Variants in UNC13C observed in about 807,000 individuals in gnomAD.
UNC13C encodes protein unc-13 homolog C.
UNC13C carries 174 observed loss-of-function variants against 245.4 expected under a neutral mutation model. The observed-to-expected ratio is 0.71, with a 90% CI of 0.63 to 0.80. The LOEUF is 0.80. UNC13C is among the 30% of genes least tolerant of loss of function. UNC13C has a pLI of 0.00. For missense variants in UNC13C, 2,829 were observed against 2,602.9 expected, an observed-to-expected ratio of 1.09 and a Z score of -1.89; for synonymous variants, 992 against 895.1, an observed-to-expected ratio of 1.11 and a Z score of -1.93.
At chr15:54,070,011 A>G (rs1296253695) in intron 2 of UNC13C, among the ~76,000 whole-genome samples, 1 of 152,216 alleles carries the variant, frequency 6.6e-6, no homozygotes. Flanking sequence ...AATGATCCTT[A>G]GACAGTTATG....
chr15:54,095,338 C>T (rs1899799730), intron 2 of UNC13C, among the ~76,000 whole-genome samples: 1 of 152,126 alleles, frequency 6.6e-6, no homozygotes, highest in East Asian at 1.9e-4. Flanking sequence ...GTGGGGTAAG[C>T]AGGACCATCA....
At chr15:54,602,331 G>T (rs758078038) in intron 30 of UNC13C, among the ~76,000 whole-genome samples, 6 of 152,108 alleles carry the variant, frequency 3.9e-5, no homozygotes, top group Non-Finnish European at 7.3e-5. Flanking sequence ...GAATTTCACT[G>T]GGCTGACAGT....
chr15:54,032,745 G>T (rs1896411943), intron 2 of UNC13C, among the ~76,000 whole-genome samples: 1 of 152,130 alleles, frequency 6.6e-6, no homozygotes, highest in South Asian at 2.1e-4. Context: ...CCTAGAAACT[G>T]GTTCTCCTCA....
At chr15:54,114,361 T>C (rs955782856) in intron 2 of UNC13C, among the ~76,000 whole-genome samples, 6 of 152,212 alleles carry the variant, frequency 3.9e-5, no homozygotes, top group African/African-American at 1.4e-4. Flanking sequence ...AAATTTAATG[T>C]CCATCCTTCC....
chr15:53,941,820 G>T, the UNC13C span, among the ~76,000 whole-genome samples: 1 of 152,124 alleles, frequency 6.6e-6, no homozygotes, highest in East Asian at 1.9e-4. Flanking sequence ...CAACATCTCT[G>T]ATCATTAAAG....
the UNC13C span, among the ~76,000 whole-genome samples, chr15:53,935,563 G>A: frequency 6.6e-6 from 1 of 152,180 alleles, no homozygotes; most frequent in African/African-American, 2.4e-5. Context: ...TACAGTCCAT[G>A]GTTCTCATGG....
intron 19 of UNC13C, among the ~76,000 whole-genome samples, chr15:54,432,687 A>T (rs1393239471): frequency 7.2e-5 from 11 of 152,034 alleles, no homozygotes; most frequent in Admixed American, 7.2e-4. Context: ...CAATTAAAAG[A>T]ACTAGACAAG....
chr15:54,381,821 T>C (rs1049490571), intron 17 of UNC13C, among the ~76,000 whole-genome samples: 23 of 152,122 alleles, frequency 1.5e-4, no homozygotes, highest in Non-Finnish European at 3.2e-4. Context: ...GATTTCAACA[T>C]CCTACTCTCA....
chr15:54,288,300 A>G (rs754574486), intron 10 of UNC13C, among the ~76,000 whole-genome samples: 4 of 152,120 alleles, frequency 2.6e-5, no homozygotes, highest in Non-Finnish European at 5.9e-5. Context: ...GAGTCTACAT[A>G]TGGGTAAACC....
At chr15:54,018,026 G>A (rs1049499821) in intron 2 of UNC13C, among the ~76,000 whole-genome samples, 16 of 152,046 alleles carry the variant, frequency 1.1e-4, no homozygotes, top group African/African-American at 3.9e-4. Flanking sequence ...AGGAAGCTGC[G>A]GTAGCCTAGA....
the UNC13C span, among the ~76,000 whole-genome samples, chr15:53,935,554 A>G: frequency 3.9e-5 from 6 of 152,230 alleles, no homozygotes; most frequent in Non-Finnish European, 7.3e-5. Context: ...GGAAGCAGAT[A>G]CAGTCCATGG....
intron 10 of UNC13C, among the ~76,000 whole-genome samples, chr15:54,279,612 G>A (rs112234535): frequency 6.6e-6 from 1 of 152,200 alleles, no homozygotes; most frequent in African/African-American, 2.4e-5. Context: ...TAGCAAGGAA[G>A]GTGGGGGAAT....
At chr15:54,058,640 C>T (rs943039870) in intron 2 of UNC13C, among the ~76,000 whole-genome samples, 8 of 152,254 alleles carry the variant, frequency 5.3e-5, no homozygotes, top group Non-Finnish European at 7.4e-5. Context: ...ATACCAAAGC[C>T]GGGCAGAGAC....
At chr15:53,924,525 TAGTG>T in the UNC13C span, among the ~76,000 whole-genome samples, 6 of 152,168 alleles carry the variant, frequency 3.9e-5, no homozygotes, top group Non-Finnish European at 7.4e-5. Context: ...ATTAAGGAAA[TAGTG>T]AGAGGGTGCA....
chr15:54,378,630 A>C (rs2039656416), intron 17 of UNC13C, among the ~76,000 whole-genome samples: 1 of 151,602 alleles, frequency 6.6e-6, no homozygotes, highest in Non-Finnish European at 1.5e-5. Context: ...ATATGTATAT[A>C]TTATCATTTC....
chr15:53,841,351 A>T, the UNC13C span, among the ~76,000 whole-genome samples: 73 of 152,208 alleles, frequency 4.8e-4, no homozygotes, highest in African/African-American at 1.7e-3. Context: ...CCTTCCAATT[A>T]TATCTTGAAA....
intron 30 of UNC13C, among the ~76,000 whole-genome samples, chr15:54,569,112 CAAAT>C (rs1897638560): frequency 6.6e-6 from 1 of 152,060 alleles, no homozygotes; most frequent in Non-Finnish European, 1.5e-5. Context: ...TCTAATATAT[CAAAT>C]AAATAGTGTT....
intron 13 of UNC13C, among the ~76,000 whole-genome samples, chr15:54,320,180 A>C (rs1035287706): frequency 6.6e-6 from 1 of 151,964 alleles, no homozygotes; most frequent in Admixed American, 6.6e-5. Flanking sequence ...GCTACTTTAC[A>C]ACTGTGAGAG....
At chr15:54,188,116 C>A (rs2034059351) in intron 4 of UNC13C, among the ~76,000 whole-genome samples, 1 of 152,110 alleles carries the variant, frequency 6.6e-6, no homozygotes, top group Admixed American at 6.6e-5. Context: ...TCGAGCCCGG[C>A]CACACTGTAT....
Sources: allele counts gnomAD v4.1 joint callset (sites outside exome capture counted in the v4.1 genomes callset), GRCh38; gene constraint gnomAD v4.1.1; transcripts MANE v1.5; gene names NCBI Gene and HGNC (gene_info 2026-07-23, HGNC 2026-07-21).